Variants in SOX6 observed in about 807,000 individuals in gnomAD.
SOX6 encodes the protein transcription factor SOX-6.
SOX6 carries 11 observed loss-of-function variants against 97.8 expected under a neutral mutation model. The ratio of observed to expected loss-of-function variants is 0.11; its 90% CI spans 0.07 to 0.19. The LOEUF is 0.19. Among genes scored for constraint, SOX6 ranks in the 10% least tolerant of loss-of-function variants. SOX6 has a pLI of 1.00. For missense variants in SOX6, 810 were observed against 1,039.5 expected (o/e 0.78, Z 3.04); for synonymous variants, 360 against 371.4 (o/e 0.97, Z 0.35).
intron 9 of SOX6, among the ~76,000 whole-genome samples, chr11:16,090,595 A>G (rs1206832413): frequency 1.3e-5 from 2 of 152,076 alleles, no homozygotes; most frequent in East Asian, 3.9e-4. Flanking sequence ...GACATAAAAG[A>G]GTGTCTCTTA....
intron 2 of SOX6, among the ~76,000 whole-genome samples, chr11:16,736,118 T>C (rs1848389519): frequency 6.6e-6 from 1 of 152,208 alleles, no homozygotes; most frequent in Non-Finnish European, 1.5e-5. Flanking sequence ...CTATATAATT[T>C]CATCCTTCCT....
chr11:16,033,926 G>GGAAAA (rs200701393), intron 12 of SOX6, among the ~76,000 whole-genome samples: 1,595 of 151,574 alleles, frequency 0.011, 28 homozygotes, highest in African/African-American at 0.037. Context: ...AGAAAAGAAA[G>GGAAAA]GAAAAGAAAA....
upstream of SOX6, among the ~76,000 whole-genome samples, chr11:16,360,057 C>G (rs1171562221): frequency 1.3e-5 from 2 of 152,152 alleles, no homozygotes; most frequent in East Asian, 3.9e-4. Context: ...CTAATGATAT[C>G]AGTTACTGAA....
intron 9 of SOX6, among the ~76,000 whole-genome samples, chr11:16,077,905 T>G (rs1380690713): frequency 1.3e-5 from 2 of 151,966 alleles, no homozygotes; most frequent in Admixed American, 6.6e-5. Flanking sequence ...CAAACCCTTG[T>G]GACATGCAAT....
intron 7 of SOX6, among the ~76,000 whole-genome samples, chr11:16,106,132 G>A (rs1849076747): frequency 6.6e-6 from 1 of 152,030 alleles, no homozygotes; most frequent in African/African-American, 2.4e-5. Context: ...ACTACCCAAA[G>A]CAACCTGCAG....
intron 13 of SOX6, among the ~76,000 whole-genome samples, chr11:15,995,806 C>G (rs1331278457): frequency 6.6e-6 from 1 of 152,088 alleles, no homozygotes; most frequent in Non-Finnish European, 1.5e-5. Flanking sequence ...ACAATGAAGA[C>G]TAGTAGACTA....
intron 1 of SOX6, among the ~76,000 whole-genome samples, chr11:16,393,708 T>C (rs1858257226): frequency 6.6e-6 from 1 of 152,066 alleles, no homozygotes; most frequent in Non-Finnish European, 1.5e-5. Context: ...CAATAAACCT[T>C]AACCTATAAT....
intron 13 of SOX6, among the ~76,000 whole-genome samples, chr11:16,002,679 TC>T (rs1854438719): frequency 6.6e-6 from 1 of 152,138 alleles, no homozygotes; most frequent in Non-Finnish European, 1.5e-5. Context: ...AGTTCTGGCT[TC>T]CTAAGTTTTC....
At chr11:15,986,945 A>G (rs1274483026) in intron 14 of SOX6, among the ~76,000 whole-genome samples, 1 of 152,124 alleles carries the variant, frequency 6.6e-6, no homozygotes, top group Admixed American at 6.5e-5. Flanking sequence ...TAATTAAAAA[A>G]CCTAAGCTCT....
At chr11:16,728,232 G>A (rs1848322372) in intron 2 of SOX6, among the ~76,000 whole-genome samples, 1 of 152,206 alleles carries the variant, frequency 6.6e-6, no homozygotes, top group Non-Finnish European at 1.5e-5. Context: ...GCTCTGCTAA[G>A]GGACAGACTG....
At chr11:16,603,279 C>A (rs1251583214) in intron 4 of SOX6, among the ~76,000 whole-genome samples, 1 of 152,040 alleles carries the variant, frequency 6.6e-6, no homozygotes, top group East Asian at 1.9e-4. Context: ...CTGGTCTCTG[C>A]CAGAAAGTGC....
Position 15,971,307 on chromosome 11 carries a change from A to G in SOX6, c.*1502T>C, listed in dbSNP as rs988085888. 2 of 152,594 alleles carry G rather than the reference A, an allele frequency of 1.3e-5. No individual in the cohort carries two copies. Among genetic ancestry groups the G allele is most frequent in the African/African-American group, 2.4e-5 (1 of 41,420 alleles). 9.5% of individuals were successfully genotyped at this position (152,594 alleles called of 1,614,324 possible). A position where few individuals can be genotyped will look rare whatever the true frequency, so the allele number is the denominator to read the frequency against. On this transcript the variant is annotated 3_prime_UTR_variant, in exon 16 of 16. Transcript: ENST00000683767. ...CTTTTTGCATCCTGGGGATTTTGCA[A>G]TGAACTCCCTAGATGTGCCAGCTGG...
At chr11:16,191,963 G>A (rs1396786685) in intron 4 of SOX6, among the ~76,000 whole-genome samples, 1 of 151,348 alleles carries the variant, frequency 6.6e-6, no homozygotes, top group African/African-American at 2.4e-5. Flanking sequence ...GTGCTCCCCA[G>A]GGCCTGCTCC....
intron 1 of SOX6, among the ~76,000 whole-genome samples, chr11:16,373,735 A>G (rs1857554961): frequency 6.6e-6 from 1 of 150,998 alleles, no homozygotes; most frequent in African/African-American, 2.4e-5. Flanking sequence ...GAATAAACAC[A>G]TATGTGTATA....
At chr11:16,638,843 C>CA (rs1590027744) in intron 3 of SOX6, among the ~76,000 whole-genome samples, 1 of 152,256 alleles carries the variant, frequency 6.6e-6, no homozygotes, top group East Asian at 1.9e-4. Flanking sequence ...GAGTAGATTG[C>CA]AAAAATTTTC....
At chr11:16,386,439 T>G (rs1432565951) in intron 1 of SOX6, among the ~76,000 whole-genome samples, 1 of 152,076 alleles carries the variant, frequency 6.6e-6, no homozygotes, top group Non-Finnish European at 1.5e-5. Context: ...CCCCATAACC[T>G]ACAAGATACA....
chr11:16,001,027 T>A (rs1247311224), intron 13 of SOX6, among the ~76,000 whole-genome samples: 1 of 151,600 alleles, frequency 6.6e-6, no homozygotes, highest in Non-Finnish European at 1.5e-5. Flanking sequence ...CAGCTAATTT[T>A]TTTTTATTTT....
intron 3 of SOX6, among the ~76,000 whole-genome samples, chr11:16,630,534 C>A (rs1246742546): frequency 6.6e-6 from 1 of 151,970 alleles, no homozygotes; most frequent in African/African-American, 2.4e-5. Flanking sequence ...GGAGTATGTT[C>A]TACATGCAGA....
Position 16,401,378 on chromosome 11 carries a change from C to T in SOX6, c.-4-60126G>A, listed in dbSNP as rs181268304. ...TTTAAAATGGAGCGTTAATAGTTAC[C>T]AAAAAAAATCTTATGTGAATCCCAG... On this transcript the variant is annotated intron_variant, in intron 1 of 15. Transcript: ENST00000396356. 9.4e-4 allele frequency among the ~76,000 whole-genome samples: 142 copies of T among 151,118 alleles called. 1 individual carries two copies. The highest frequency in any genetic ancestry group is 1.8e-4 in the Non-Finnish European group (12 of 67,450).
Sources: allele counts gnomAD v4.1 joint callset (sites outside exome capture counted in the v4.1 genomes callset), GRCh38; gene constraint gnomAD v4.1.1; transcripts MANE v1.5; gene names NCBI Gene and HGNC (gene_info 2026-07-23, HGNC 2026-07-21).